Variants in CSNK2A2IP observed in about 807,000 individuals in gnomAD.
The protein encoded by CSNK2A2IP is casein kinase II subunit alpha'-interacting protein.
chr3:88,446,055 TTTCTTTCTTTCTTTC>T, the CSNK2A2IP span, among the ~76,000 whole-genome samples: 130 of 123,094 alleles, frequency 1.1e-3, 3 homozygotes, highest in African/African-American at 3.8e-3. Flanking sequence ...TCTTTCTTTC[TTTCTTTCTTTCTTTC>T]TTTCTTTCTT....
chr3:88,348,906 T>C, the CSNK2A2IP span, among the ~76,000 whole-genome samples: 1 of 152,010 alleles, frequency 6.6e-6, no homozygotes, highest in African/African-American at 2.4e-5. Context: ...TTCTTTTATG[T>C]TTTTTTCTTT....
At chr3:88,407,509 T>G in the CSNK2A2IP span, among the ~76,000 whole-genome samples, 3 of 152,106 alleles carry the variant, frequency 2.0e-5, no homozygotes, top group Non-Finnish European at 4.4e-5. Flanking sequence ...TAACCTCTTT[T>G]CACTTTTGGA....
the CSNK2A2IP span, among the ~76,000 whole-genome samples, chr3:88,380,408 A>T: frequency 6.6e-6 from 1 of 151,884 alleles, no homozygotes; most frequent in East Asian, 1.9e-4. Context: ...ATCTTATTTC[A>T]AGGGCACAAA....
chr3:88,372,522 T>C, the CSNK2A2IP span, among the ~76,000 whole-genome samples: 1 of 151,566 alleles, frequency 6.6e-6, no homozygotes, highest in South Asian at 2.1e-4. Context: ...AGTTAAGTTA[T>C]ATGACAAAAA....
the CSNK2A2IP span, among the ~76,000 whole-genome samples, chr3:88,371,226 T>G: frequency 3.3e-5 from 5 of 151,836 alleles, no homozygotes; most frequent in Admixed American, 3.3e-4. Flanking sequence ...TGATTGCAAG[T>G]GGGTCAGAAT....
chr3:88,427,351 G>T, the CSNK2A2IP span, among the ~76,000 whole-genome samples: 39 of 152,306 alleles, frequency 2.6e-4, no homozygotes, highest in East Asian at 3.3e-3. Flanking sequence ...TGGAAAATTT[G>T]CAGCCTGACA....
the CSNK2A2IP span, among the ~76,000 whole-genome samples, chr3:88,405,816 T>C: frequency 6.6e-6 from 1 of 152,200 alleles, no homozygotes. Context: ...TATTACGTGA[T>C]TAGCACTCTG....
the CSNK2A2IP span, among the ~76,000 whole-genome samples, chr3:88,340,292 A>G: frequency 1.3e-5 from 2 of 151,994 alleles, no homozygotes; most frequent in East Asian, 1.9e-4. Flanking sequence ...GAGAAAGGAA[A>G]CCTCCAAGAA....
At chr3:88,445,909 TCTTTCTC>T in the CSNK2A2IP span, among the ~76,000 whole-genome samples, 139 of 150,104 alleles carry the variant, frequency 9.3e-4, no homozygotes, top group African/African-American at 3.3e-3. Flanking sequence ...CTTTCTTTCT[TCTTTCTC>T]TCTTTCTTTC....
chr3:88,460,874 A>G, the CSNK2A2IP span, among the ~76,000 whole-genome samples: 2 of 151,828 alleles, frequency 1.3e-5, no homozygotes, highest in East Asian at 1.9e-4. Context: ...GATCACCCGA[A>G]GTCAGGAGTT....
At chr3:88,408,014 T>C in the CSNK2A2IP span, among the ~76,000 whole-genome samples, 1 of 152,200 alleles carries the variant, frequency 6.6e-6, no homozygotes, top group African/African-American at 2.4e-5. Flanking sequence ...TAAGCCACTG[T>C]GCCTGGCTGC....
At chr3:88,448,971 A>G in the CSNK2A2IP span, among the ~76,000 whole-genome samples, 1 of 152,112 alleles carries the variant, frequency 6.6e-6, no homozygotes, top group Non-Finnish European at 1.5e-5. Context: ...GTAGCGTTTA[A>G]TCATTGACAA....
At chr3:88,414,692 G>T in the CSNK2A2IP span, among the ~76,000 whole-genome samples, 1 of 151,862 alleles carries the variant, frequency 6.6e-6, no homozygotes, top group Admixed American at 6.6e-5. Context: ...TCTTGGTGGG[G>T]TGGTGTTGCA....
the CSNK2A2IP span, among the ~76,000 whole-genome samples, chr3:88,365,480 C>T: frequency 6.6e-6 from 1 of 152,096 alleles, no homozygotes; most frequent in African/African-American, 2.4e-5. Context: ...AGGGACACCT[C>T]ATTTTATGGG....
chr3:88,407,361 G>C, the CSNK2A2IP span, among the ~76,000 whole-genome samples: 1 of 148,792 alleles, frequency 6.7e-6, no homozygotes, highest in Admixed American at 6.7e-5. Flanking sequence ...GTAACATTTA[G>C]TATGTTAAAT....
At chr3:88,437,407 TCAATTA>T in the CSNK2A2IP span, among the ~76,000 whole-genome samples, 15 of 152,344 alleles carry the variant, frequency 9.8e-5, no homozygotes, top group African/African-American at 3.6e-4. Flanking sequence ...CATACTGCCC[TCAATTA>T]AATGAAAGTG....
the CSNK2A2IP span, among the ~76,000 whole-genome samples, chr3:88,347,958 G>T: frequency 2.0e-5 from 3 of 151,816 alleles, no homozygotes; most frequent in South Asian, 6.2e-4. Flanking sequence ...CTCTCTATGG[G>T]CTAAGAGAAT....
chr3:88,443,975 C>A, the CSNK2A2IP span, among the ~76,000 whole-genome samples: 1 of 151,320 alleles, frequency 6.6e-6, no homozygotes, highest in South Asian at 2.1e-4. Context: ...AAATTTTTTT[C>A]TTTTTATTAT....
the CSNK2A2IP span, among the ~76,000 whole-genome samples, chr3:88,383,766 C>A: frequency 6.7e-6 from 1 of 150,020 alleles, no homozygotes; most frequent in Non-Finnish European, 1.5e-5. Flanking sequence ...CCGGTTCATG[C>A]CATTCTCCTG....
Sources: gnomAD v4.1 joint callset for allele counts (sites outside exome capture counted in the v4.1 genomes callset) on GRCh38, gnomAD v4.1.1 for gene constraint, MANE v1.5 for transcripts, NCBI Gene and HGNC (gene_info 2026-07-23, HGNC 2026-07-21) for gene names.